Variants in LDB3 observed in about 807,000 individuals in gnomAD.
The protein encoded by LDB3 is LIM domain binding 3, also known as LIM domain-binding protein 3.
LDB3 carries 49 observed loss-of-function variants against 69.0 expected under a neutral mutation model. The ratio of observed to expected loss-of-function variants is 0.71; its 90% CI spans 0.56 to 0.90. LDB3 has a LOEUF of 0.90. Among genes scored for constraint, LDB3 ranks in the 40% least tolerant of loss-of-function variants. The pLI is 0.00. For synonymous variants in LDB3, 387 were observed against 396.2 expected, an observed-to-expected ratio of 0.98 and a Z score of 0.28; for missense variants, 928 against 974.1, an observed-to-expected ratio of 0.95 and a Z score of 0.63.
At chr10:86,716,292 C>T in intron 9 of LDB3, 35 bp from the exon 10 acceptor site, 2 of 1,609,020 alleles carry the variant, frequency 1.2e-6, no homozygotes, top group South Asian at 2.2e-5. Context: ...GAATTCCTGA[C>T]ACACCTTTCT....
At chr10:86,671,571 C>T (rs1003153746) in intron 2 of LDB3, among the ~76,000 whole-genome samples, 5 of 151,930 alleles carry the variant, frequency 3.3e-5, no homozygotes, top group African/African-American at 1.2e-4. Flanking sequence ...GCTGCCCTTT[C>T]ACCCCACCCC....
rs571712166 is a variant in LDB3 at position 86,682,094 on chromosome 10, T to C, written c.689+291T>C. ...TCCAGCTACCATGTGGCCGAGCCAGTCCTGAATTCAGGAGATTCTGACTTC... is the reference window on the plus strand; with the variant it reads ...TCCAGCTACCATGTGGCCGAGCCAGCCCTGAATTCAGGAGATTCTGACTTC... On this transcript the variant is annotated intron_variant, in intron 5 of 13. Coordinates refer to ENST00000361373, the MANE Select transcript of LDB3 (RefSeq NM_007078.3). Among the ~76,000 whole-genome samples the C allele has an allele frequency of 5.3e-5, 8 of 152,302 alleles. 1 individual carries two copies. Among genetic ancestry groups the C allele is most frequent in the African/African-American group, 1.4e-4 (6 of 41,556 alleles).
chr10:86,693,000 G>A (rs538104466), intron 7 of LDB3, among the ~76,000 whole-genome samples: 4 of 152,320 alleles, frequency 2.6e-5, no homozygotes, highest in African/African-American at 7.2e-5. Context: ...TGTGCTGGAC[G>A]TGAACGCCTG....
rs1396981505 is a variant in LDB3 at position 86,716,494 on chromosome 10, C to A, written c.1399C>A (p.Pro467Thr). The change falls in exon 10 of 14, where the codon CCC becomes ACC. Residue 467 changes from proline to threonine, a missense_variant. By Grantham distance (38) the Pro-to-Thr change is conservative. Transcript: ENST00000361373. The part of the protein sequence containing the change: ...PAPAYTPSPA[P>T]NYNPAPSVAY... ...ACCAGCCTATACCCCCTCACCTGCC[C>A]CCAACTATAACCCTGCACCCTCGGT... The A allele has an allele frequency of 2.5e-6, 4 of 1,612,036 alleles. No individual in the cohort carries two copies. Among genetic ancestry groups the A allele is most frequent in the Non-Finnish European group, 3.4e-6 (4 of 1,179,442 alleles).
chr10:86,723,442 CAG>C (rs1391628923), intron 12 of LDB3, among the ~76,000 whole-genome samples: 2 of 152,182 alleles, frequency 1.3e-5, no homozygotes, highest in East Asian at 3.9e-4. Flanking sequence ...CAAAGGATTG[CAG>C]AGATTCTCTC....
intron 5 of LDB3, chr10:86,687,260 G>A: frequency 6.2e-7 from 1 of 1,614,174 alleles, no homozygotes; most frequent in Non-Finnish European, 8.5e-7. Flanking sequence ...GCCCAAGGCA[G>A]TGACTTCAGT....
Position 86,718,859 on chromosome 10 carries a change from T to A in LDB3, c.1978+12T>A. 6.2e-7 allele frequency: 1 copy of A among 1,613,876 alleles called. No individual in the cohort carries two copies. Among genetic ancestry groups the A allele is most frequent in the South Asian group, 1.1e-5 (1 of 91,064 alleles). ...CTACTGCGAGAAAGGTAGGAACACT[T>A]CGATGGCATGTGGGGAGGCCCCACA... On this transcript the variant is annotated intron_variant, in intron 12 of 13. Transcript: ENST00000361373.
At chr10:86,684,260 C>G (rs549766559) in intron 5 of LDB3, among the ~76,000 whole-genome samples, 30 of 152,364 alleles carry the variant, frequency 2.0e-4, no homozygotes, top group African/African-American at 7.0e-4. Flanking sequence ...GGCTCATCTT[C>G]CCCAAGACCC....
intron 7 of LDB3, among the ~76,000 whole-genome samples, chr10:86,694,351 T>G (rs1845910028): frequency 6.6e-6 from 1 of 152,112 alleles, no homozygotes; most frequent in South Asian, 2.1e-4. Context: ...CCTAACCCCA[T>G]GAAAGTTTGG....
At chr10:86,684,410 G>T (rs1018550449) in intron 5 of LDB3, among the ~76,000 whole-genome samples, 1 of 152,354 alleles carries the variant, frequency 6.6e-6, no homozygotes, top group East Asian at 1.9e-4. Context: ...CCCCCACCCC[G>T]CCAGGCCAAC....
chr10:86,711,294 C>T (rs1359450458), intron 9 of LDB3, among the ~76,000 whole-genome samples: 5 of 152,034 alleles, frequency 3.3e-5, no homozygotes, highest in Non-Finnish European at 5.9e-5. Flanking sequence ...GGGCGCGCGG[C>T]CAGCCCGCCC....
chr10:86,706,282 T>C (rs577924680), intron 7 of LDB3, among the ~76,000 whole-genome samples: 17 of 151,944 alleles, frequency 1.1e-4, no homozygotes, highest in African/African-American at 3.6e-4. Context: ...GGGAAATTCC[T>C]CCAGGATTGA....
At chr10:86,674,647 T>C (rs1398053399) in intron 2 of LDB3, among the ~76,000 whole-genome samples, 1 of 151,984 alleles carries the variant, frequency 6.6e-6, no homozygotes, top group Non-Finnish European at 1.5e-5. Context: ...GAAGTGGGAA[T>C]GAAACACTCA....
intron 13 of LDB3, among the ~76,000 whole-genome samples, chr10:86,728,521 C>T (rs898079157): frequency 1.3e-5 from 2 of 151,880 alleles, no homozygotes; most frequent in Admixed American, 1.3e-4. Flanking sequence ...AGGTCTCCCT[C>T]CAAACCAGCC....
intron 2 of LDB3, among the ~76,000 whole-genome samples, chr10:86,676,564 C>CAA (rs71487272): frequency 0.2 from 22,410 of 109,530 alleles, 2,531 homozygotes; most frequent in East Asian, 0.45. Flanking sequence ...GACCCTGTCT[C>CAA]AAAAAAAAAA....
At chr10:86,719,451 C>A (rs938676608) in intron 12 of LDB3, among the ~76,000 whole-genome samples, 4 of 151,922 alleles carry the variant, frequency 2.6e-5, no homozygotes, top group Admixed American at 6.6e-5. Context: ...GGAAACCTTT[C>A]AGGTTATTTT....
chr10:86,711,905 C>T (rs1017206939), intron 9 of LDB3, among the ~76,000 whole-genome samples: 3 of 151,822 alleles, frequency 2.0e-5, no homozygotes, highest in African/African-American at 7.2e-5. Context: ...ATTACATATC[C>T]CCGAGCCCGC....
intron 13 of LDB3, among the ~76,000 whole-genome samples, chr10:86,727,913 C>T (rs915528770): frequency 4.0e-5 from 6 of 151,680 alleles, no homozygotes; most frequent in East Asian, 1.9e-4. Flanking sequence ...TCACAGCTCA[C>T]GGCAAACTCT....
chr10:86,683,334 A>G (rs2132380418), intron 5 of LDB3, among the ~76,000 whole-genome samples: 1 of 152,374 alleles, frequency 6.6e-6, no homozygotes, highest in South Asian at 2.1e-4. Flanking sequence ...AGAGGTGGGC[A>G]TGATTTTCCC....
Sources: gnomAD v4.1 joint callset for allele counts (sites outside exome capture counted in the v4.1 genomes callset) on GRCh38, gnomAD v4.1.1 for gene constraint, MANE v1.5 for transcripts, NCBI Gene and HGNC (gene_info 2026-07-23, HGNC 2026-07-21) for gene names.